Variants in POLR3GL observed in about 807,000 individuals in gnomAD.
POLR3GL encodes DNA-directed RNA polymerase III subunit RPC7-like.
A neutral mutation model predicts 32.4 loss-of-function variants in POLR3GL; 26 were observed. The observed-to-expected ratio is 0.80, with a 90% CI of 0.59 to 1.11. The LOEUF (loss-of-function observed/expected upper bound fraction) is 1.11, where lower values mean the gene tolerates loss of function less well. Ranked by LOEUF, POLR3GL falls within the 50% of genes most tolerant of loss-of-function variation. POLR3GL has a pLI of 0.00. For synonymous variants in POLR3GL, 95 were observed against 98.7 expected (o/e 0.96, Z 0.22); for missense variants, 229 against 280.1 (o/e 0.82, Z 1.30).
rs1650593442 is a variant in POLR3GL at position 145,977,153 on chromosome 1, G to A, written c.325+1G>A. The A allele has an allele frequency of 6.2e-7, 1 of 1,612,334 alleles. No individual in the cohort carries two copies. The highest frequency in any genetic ancestry group is 8.5e-7 in the Non-Finnish European group (1 of 1,178,440). On this transcript the variant is annotated splice_donor_variant, in intron 4 of 7. Coordinates refer to ENST00000369314, the MANE Select transcript of POLR3GL (RefSeq NM_032305.3). LOFTEE classifies it high-confidence loss of function. ...GACAATGCCATCGATTGGAACCCTGGTAGGTGATGGGCCCTTTCATTGACT... is the reference window on the plus strand; with the variant it reads ...GACAATGCCATCGATTGGAACCCTGATAGGTGATGGGCCCTTTCATTGACT...
chr1:145,968,745 G>C (rs587757609), intron 1 of POLR3GL, among the ~76,000 whole-genome samples: 2 of 151,842 alleles, frequency 1.3e-5, no homozygotes, highest in South Asian at 4.2e-4. Context: ...CTAATTTTTT[G>C]TATTTTTAGT....
rs587708629 is a variant in POLR3GL at position 145,976,092 on chromosome 1, C to T, written c.256+656C>T. ...GAGTTTGAGGCCAGCCTAGCCAATACGGTGAAACCCTGTCTCTACTAAAAA... is the reference window on the plus strand; with the variant it reads ...GAGTTTGAGGCCAGCCTAGCCAATATGGTGAAACCCTGTCTCTACTAAAAA... On this transcript the variant is annotated intron_variant, in intron 3 of 7. Transcript: ENST00000369314. 1.6e-4 allele frequency among the ~76,000 whole-genome samples: 24 copies of T among 151,838 alleles called. No homozygotes were observed. In the South Asian group the frequency reaches 2.9e-3, roughly 18 times the overall value.
At chr1:145,977,639 C>T in intron 5 of POLR3GL, 100 bp downstream of exon 5, 2 of 1,321,560 alleles carry the variant, frequency 1.5e-6, no homozygotes, top group Non-Finnish European at 2.2e-6. Flanking sequence ...AGTTCCTATA[C>T]CCAATCTACC....
Position 145,975,320 on chromosome 1 carries a change from GC to G in POLR3GL, c.143del (p.Pro48GlnfsTer16). ...PSPLFPPLEF[R>X]PVPLPSGEEG... ...CTGCCTCTTTAGCCCTTGGAGTTCCGCCCAGTACCTTTGCCCTCAGGCGAGG... is the reference window on the plus strand; with the variant it reads ...CTGCCTCTTTAGCCCTTGGAGTTCCGCCAGTACCTTTGCCCTCAGGCGAGG... On this transcript the variant is annotated frameshift_variant, in exon 3 of 8. Coordinates refer to ENST00000369314, the MANE Select transcript of POLR3GL (RefSeq NM_032305.3). LOFTEE classifies it high-confidence loss of function. 6.2e-7 allele frequency: 1 copy of G among 1,614,014 alleles called. No homozygotes were observed. Among genetic ancestry groups the G allele is most frequent in the Non-Finnish European group, 8.5e-7 (1 of 1,179,910 alleles).
chr1:145,966,212 G>A (rs1286850205), intron 1 of POLR3GL, among the ~76,000 whole-genome samples: 1 of 151,906 alleles, frequency 6.6e-6, no homozygotes, highest in Non-Finnish European at 1.5e-5. Context: ...GGGCGTGGTG[G>A]CTCATGCCTG....
intron 1 of POLR3GL, among the ~76,000 whole-genome samples, chr1:145,969,400 G>A (rs1341986633): frequency 8.6e-5 from 13 of 151,734 alleles, no homozygotes; most frequent in African/African-American, 2.9e-4. Context: ...GAGTAGCTGG[G>A]ACTACAGGCG....
At chr1:145,972,681 C>T (rs879962369) in intron 1 of POLR3GL, among the ~76,000 whole-genome samples, 12 of 151,648 alleles carry the variant, frequency 7.9e-5, no homozygotes, top group African/African-American at 1.9e-4. Flanking sequence ...TTATTTTTTT[C>T]GTTTTTTCTC....
At chr1:145,966,914 T>C (rs1553762141) in intron 1 of POLR3GL, among the ~76,000 whole-genome samples, 2 of 152,268 alleles carry the variant, frequency 1.3e-5, no homozygotes, top group East Asian at 3.8e-4. Flanking sequence ...CTTTGATGAA[T>C]ATCCTTTTAC....
At chr1:145,968,327 G>T (rs1188646551) in intron 1 of POLR3GL, among the ~76,000 whole-genome samples, 2 of 152,140 alleles carry the variant, frequency 1.3e-5, no homozygotes, top group African/African-American at 4.8e-5. Context: ...TTCCCAACCT[G>T]TATTAAATAA....
intron 1 of POLR3GL, among the ~76,000 whole-genome samples, chr1:145,972,209 C>T (rs587657480): frequency 1.0e-4 from 15 of 150,184 alleles, no homozygotes; most frequent in African/African-American, 3.2e-4. Context: ...GGAGAAACCC[C>T]GTCTCTACTA....
At position 145,977,503 on chromosome 1, in the gene POLR3GL, G is replaced by GAGCTAAAGATCCGAGTGCGGA. The variant is rs1553763631; in HGVS notation, c.352_372dup (p.Lys118_Leu124dup). ...CCCAGATTGGCGGCGTCTACCCCGGGAGCTAAAGATCCGAGTGCGGAAGCT... is the reference window on the plus strand; with the variant it reads ...CCCAGATTGGCGGCGTCTACCCCGGGAGCTAAAGATCCGAGTGCGGAAGCTAAAGATCCGAGTGCGGAAGCT... On this transcript the variant is annotated inframe_insertion, in exon 5 of 8. Coordinates refer to ENST00000369314, the MANE Select transcript of POLR3GL (RefSeq NM_032305.3). The GAGCTAAAGATCCGAGTGCGGA allele has an allele frequency of 6.2e-7, 1 of 1,614,118 alleles. No individual in the cohort carries two copies. The highest frequency in any genetic ancestry group is 8.5e-7 in the Non-Finnish European group (1 of 1,180,010).
At chr1:145,967,112 G>A (rs149740584) in intron 1 of POLR3GL, among the ~76,000 whole-genome samples, 1 of 151,668 alleles carries the variant, frequency 6.6e-6, no homozygotes, top group African/African-American at 2.4e-5. Context: ...ACTCATGACA[G>A]CCTGCTTATT....
At chr1:145,966,631 C>A (rs993042137) in intron 1 of POLR3GL, among the ~76,000 whole-genome samples, 1 of 151,016 alleles carries the variant, frequency 6.6e-6, no homozygotes, top group Admixed American at 6.6e-5. Context: ...ACTAAAACTA[C>A]AAAAAAAATT....
chr1:145,966,374 C>T (rs1416105094), intron 1 of POLR3GL, among the ~76,000 whole-genome samples: 8 of 151,016 alleles, frequency 5.3e-5, no homozygotes, highest in Non-Finnish European at 1.2e-4. Flanking sequence ...TCCAGCTGCT[C>T]AGGAGGCTGA....
At chr1:145,974,777 T>C in intron 1 of POLR3GL, 48 bp from the exon 2 acceptor site, 1 of 1,273,976 alleles carries the variant, frequency 7.8e-7, no homozygotes. Flanking sequence ...CTTGGCTTCC[T>C]GTCCATTCTA....
In POLR3GL at chr1:145,977,124, G is replaced by T; in HGVS notation, c.297G>T (p.Pro99=). The T allele has an allele frequency of 6.2e-7, 1 of 1,613,858 alleles. No homozygotes were observed. Among genetic ancestry groups the T allele is most frequent in the Non-Finnish European group, 8.5e-7 (1 of 1,179,882 alleles). ...RYSDKYQMSG[P]IDNAIDWNPD... is the part of the protein sequence containing the mutation. ...CAGACAAATATCAGATGTCAGGTCCGATTGACAATGCCATCGATTGGAACC... is the reference window on the plus strand; with the variant it reads ...CAGACAAATATCAGATGTCAGGTCCTATTGACAATGCCATCGATTGGAACC... Residue 99 remains proline (P), a synonymous_variant, in exon 4 of 8, where the codon CCG becomes CCT. Transcript: ENST00000369314.
intron 1 of POLR3GL, among the ~76,000 whole-genome samples, chr1:145,967,802 A>C (rs1195804323): frequency 6.6e-6 from 1 of 152,210 alleles, no homozygotes; most frequent in African/African-American, 2.4e-5. Flanking sequence ...ACACTGCTAT[A>C]TCCATAGAAT....
At position 145,978,379 on chromosome 1, in the gene POLR3GL, T is replaced by G; in HGVS notation, c.589T>G (p.Ser197Ala). 1 of 1,604,508 alleles carries G rather than the reference T, an allele frequency of 6.2e-7. No homozygotes were observed. The highest frequency in any genetic ancestry group is 1.1e-5 in the South Asian group (1 of 90,860). The part of the protein sequence containing the change: ...EHEEETDYIM[S>A]YFDNGEDFGG... ...ATTTCAGGAAACTGATTACATCATGTCATATTTTGACAATGGAGAGGACTT... is the reference window on the plus strand; with the variant it reads ...ATTTCAGGAAACTGATTACATCATGGCATATTTTGACAATGGAGAGGACTT... Residue 197 changes from serine (S) to alanine (A), a missense_variant, in exon 8 of 8, where the codon TCA (serine) becomes GCA (alanine). By Grantham distance (99) the Ser-to-Ala change is moderately conservative. Transcript: ENST00000369314.
chr1:145,978,553 C>G lies in POLR3GL; in HGVS notation c.*106C>G. On this transcript the variant is annotated 3_prime_UTR_variant, in exon 8 of 8. Coordinates refer to ENST00000369314, the MANE Select transcript of POLR3GL (RefSeq NM_032305.3). ...ATCATTTGGTCAGAGTTCATATAAT[C>G]TGTCTGTTCCCTGGAGATGGGAATA... 1 of 774,706 alleles carries G rather than the reference C, an allele frequency of 1.3e-6. No individual in the cohort carries two copies. Among genetic ancestry groups the G allele is most frequent in the South Asian group, 1.6e-5 (1 of 64,074 alleles). The allele number at this position is 774,706 out of a possible 1,614,324, so 48.0% of individuals were successfully genotyped here. A position where few individuals can be genotyped will look rare whatever the true frequency, so the allele number is the denominator to read the frequency against.
Sources: allele counts gnomAD v4.1 joint callset (sites outside exome capture counted in the v4.1 genomes callset), GRCh38; gene constraint gnomAD v4.1.1; transcripts MANE v1.5; gene names NCBI Gene and HGNC (gene_info 2026-07-23, HGNC 2026-07-21).